CDYL: variants seen among roughly 807,000 people sequenced by gnomAD.
The protein encoded by CDYL is chromodomain Y-like protein.
In CDYL, 8 loss-of-function variants were observed where a neutral mutation model predicts 47.3. The observed-to-expected ratio is 0.17, with a 90% CI of 0.10 to 0.31. CDYL has a LOEUF of 0.31. Ranked by LOEUF, CDYL falls within the 10% of genes least tolerant of loss-of-function variation. The pLI is 1.00. For missense variants in CDYL, 471 were observed against 701.4 expected, an observed-to-expected ratio of 0.67 and a Z score of 3.71; for synonymous variants, 266 against 265.0, an observed-to-expected ratio of 1.00 and a Z score of -0.04.
chr6:4,760,829 A>G (rs1431244211), intron 3 of CDYL, among the ~76,000 whole-genome samples: 1 of 152,108 alleles, frequency 6.6e-6, no homozygotes, highest in Admixed American at 6.5e-5. Flanking sequence ...AAACAAAACT[A>G]GATAAATCAG....
intron 1 of CDYL, among the ~76,000 whole-genome samples, chr6:4,800,236 T>C (rs1461846694): frequency 6.6e-6 from 1 of 152,170 alleles, no homozygotes; most frequent in Non-Finnish European, 1.5e-5. Context: ...TCCTCCTCTT[T>C]TGCTGATTTT....
At chr6:4,930,936 A>G (rs1283222054) in intron 2 of CDYL, among the ~76,000 whole-genome samples, 11 of 152,220 alleles carry the variant, frequency 7.2e-5, no homozygotes, top group African/African-American at 2.4e-4. Context: ...GGGGAGTCGC[A>G]CTAATTTCCA....
chr6:4,741,868 T>C (rs1321209079), intron 3 of CDYL, among the ~76,000 whole-genome samples: 1 of 152,222 alleles, frequency 6.6e-6, no homozygotes, highest in African/African-American at 2.4e-5. Context: ...TGCCCCTGTG[T>C]AGACCTAGGC....
At chr6:4,758,168 T>C (rs1758104823) in intron 3 of CDYL, among the ~76,000 whole-genome samples, 1 of 141,634 alleles carries the variant, frequency 7.1e-6, no homozygotes, top group African/African-American at 2.7e-5. Flanking sequence ...GGTGAAATCC[T>C]GTCTCTACTA....
At chr6:4,901,720 T>C (rs554006502) in intron 2 of CDYL, among the ~76,000 whole-genome samples, 1 of 152,344 alleles carries the variant, frequency 6.6e-6, no homozygotes, top group East Asian at 1.9e-4. Context: ...GTACACAGTA[T>C]TACTCAAGAC....
intron 1 of CDYL, among the ~76,000 whole-genome samples, chr6:4,781,407 T>A (rs541908657): frequency 7.2e-5 from 11 of 152,178 alleles, no homozygotes; most frequent in African/African-American, 1.2e-4. Context: ...GGTGTAGCTG[T>A]CTGAAAAGAT....
rs1758814095 is a variant in CDYL, at chr6:4,954,652, C to T, written c.*596C>T. 1 of 152,596 alleles carries T rather than the reference C, an allele frequency of 6.6e-6. No homozygotes were observed. The highest frequency in any genetic ancestry group is 1.5e-5 in the Non-Finnish European group (1 of 68,044). 9.5% of individuals were successfully genotyped at this position (152,596 alleles called of 1,614,324 possible). ...GCTGAGGAGCATACCCCAAACCAGACATATGCTTAGGATTCATGCTGAGAT... is the reference window on the plus strand; with the variant it reads ...GCTGAGGAGCATACCCCAAACCAGATATATGCTTAGGATTCATGCTGAGAT... On this transcript the variant is annotated 3_prime_UTR_variant, in exon 7 of 7. Transcript: ENST00000397588.
At chr6:4,941,049 G>A (rs1053830637) in intron 4 of CDYL, among the ~76,000 whole-genome samples, 1 of 152,232 alleles carries the variant, frequency 6.6e-6, no homozygotes, top group Non-Finnish European at 1.5e-5. Context: ...TTTAAAGGAA[G>A]AGTTTTGTTT....
At chr6:4,788,480 C>CCAAAAAAAAAA (rs1758820985) in intron 1 of CDYL, among the ~76,000 whole-genome samples, 11 of 61,064 alleles carry the variant, frequency 1.8e-4, no homozygotes, top group African/African-American at 8.1e-4. Flanking sequence ...GAGACTCTGT[C>CCAAAAAAAAAA]AAAAAAAAAA....
At chr6:4,894,878 T>G (rs1325374855) in intron 2 of CDYL, among the ~76,000 whole-genome samples, 2 of 148,106 alleles carry the variant, frequency 1.4e-5, no homozygotes, top group Non-Finnish European at 3.0e-5. Flanking sequence ...TACACACATG[T>G]GTATGTGTGT....
chr6:4,927,778 A>C (rs1348695327), intron 2 of CDYL, among the ~76,000 whole-genome samples: 2 of 152,194 alleles, frequency 1.3e-5, no homozygotes, highest in Non-Finnish European at 2.9e-5. Flanking sequence ...TTTAATGATA[A>C]TACTAGCTTT....
intron 1 of CDYL, among the ~76,000 whole-genome samples, chr6:4,788,065 C>T (rs897199185): frequency 6.6e-6 from 1 of 152,002 alleles, no homozygotes; most frequent in Non-Finnish European, 1.5e-5. Context: ...AGCCACCGCA[C>T]CTGGTCGAAA....
At chr6:4,855,872 C>T (rs572098827) in intron 1 of CDYL, among the ~76,000 whole-genome samples, 1 of 152,288 alleles carries the variant, frequency 6.6e-6, no homozygotes, top group East Asian at 1.9e-4. Context: ...GACTTTAGAA[C>T]CCTTGCCTTG....
rs35686534 is a variant in CDYL, at chr6:4,752,836, ATGTG to A, written c.186+18010_186+18013del. 3.5e-3 allele frequency among the ~76,000 whole-genome samples: 527 copies of A among 148,858 alleles called. 2 individuals are homozygous for A. The highest frequency in any genetic ancestry group is 5.9e-3 in the Non-Finnish European group (398 of 67,088). ...TCTTTCATGTCTGCAAAGGAAAATAATGTGTGTGTGTGTGTGTGTGTTTGTAGAT... is the reference window on the plus strand; with the variant it reads ...TCTTTCATGTCTGCAAAGGAAAATAATGTGTGTGTGTGTGTGTTTGTAGAT... On this transcript the variant is annotated intron_variant, in intron 3 of 8. Coordinates refer to the CDYL transcript ENST00000328908.
chr6:4,852,898 A>G (rs983677472), intron 1 of CDYL, among the ~76,000 whole-genome samples: 17 of 151,820 alleles, frequency 1.1e-4, no homozygotes, highest in African/African-American at 4.1e-4. Context: ...TCCTGGGTGC[A>G]GGTAATCCTC....
At chr6:4,871,196 T>C (rs1039899918) in intron 1 of CDYL, among the ~76,000 whole-genome samples, 5 of 152,200 alleles carry the variant, frequency 3.3e-5, no homozygotes, top group Non-Finnish European at 7.3e-5. Flanking sequence ...TGTCCCCCTT[T>C]CTTTTAGTCT....
intron 2 of CDYL, among the ~76,000 whole-genome samples, chr6:4,917,745 CAGGG>C (rs1338338144): frequency 6.6e-6 from 1 of 152,056 alleles, no homozygotes; most frequent in Non-Finnish European, 1.5e-5. Flanking sequence ...GTTGGCATTG[CAGGG>C]AGAAGGTTGA....
At chr6:4,914,516 C>A (rs1391942273) in intron 2 of CDYL, among the ~76,000 whole-genome samples, 2 of 152,158 alleles carry the variant, frequency 1.3e-5, no homozygotes, top group Non-Finnish European at 2.9e-5. Flanking sequence ...CCACATGGCC[C>A]CAGCTTTCCT....
At chr6:4,842,087 T>C (rs1292815260) in intron 1 of CDYL, among the ~76,000 whole-genome samples, 3 of 143,048 alleles carry the variant, frequency 2.1e-5, no homozygotes, top group African/African-American at 5.1e-5. Flanking sequence ...AATTATATAT[T>C]ATTTATATCA....
Sources: allele counts gnomAD v4.1 joint callset (sites outside exome capture counted in the v4.1 genomes callset), GRCh38; gene constraint gnomAD v4.1.1; transcripts MANE v1.5; gene names NCBI Gene and HGNC (gene_info 2026-07-23, HGNC 2026-07-21).